ERCC3: variants seen among roughly 807,000 people sequenced by gnomAD.
ERCC3 encodes ERCC excision repair 3, TFIIH core complex helicase subunit, also known as general transcription and DNA repair factor IIH helicase/translocase subunit XPB.
Under a neutral mutation model 94.2 loss-of-function variants are expected in ERCC3, and 66 were observed. The observed-to-expected ratio is 0.70, with a 90% confidence interval of 0.57 to 0.86. The LOEUF (loss-of-function observed/expected upper bound fraction) is 0.86, where lower values mean the gene tolerates loss of function less well. ERCC3 is among the 40% of genes least tolerant of loss of function. The pLI, the probability that ERCC3 is intolerant of heterozygous loss-of-function variation, is 0.00. For synonymous variants in ERCC3, 349 were observed against 369.1 expected (o/e 0.95, Z 0.63); for missense variants, 829 against 987.1 (o/e 0.84, Z 2.15).
chr2:127,290,592 C>G (rs899053255), intron 3 of ERCC3: 3 of 432,444 alleles, frequency 6.9e-6, no homozygotes, highest in South Asian at 6.3e-5. Flanking sequence ...AAGACCACAC[C>G]AGTATTACTA....
rs565620853 is a variant in ERCC3, at chr2:127,271,773, A to G, written c.1828-320T>C. ...AACAGAGACTGACTTTGAGTCATTC[A>G]TTTTTTTGGCTACAGAAATATGTCT... On this transcript the variant is annotated intron_variant, in intron 11 of 14. Transcript: ENST00000285398. The surrounding 1 kb of genome is among the most constrained non-coding windows in gnomAD (Gnocchi z 5.0). Among the ~76,000 whole-genome samples the G allele has an allele frequency of 2.0e-5, 3 of 152,178 alleles. No individual in the cohort carries two copies. The highest frequency in any genetic ancestry group is 3.9e-4 in the East Asian group (2 of 5,168).
At position 127,271,288 on chromosome 2, in the gene ERCC3, G is replaced by GAA; in HGVS notation, c.1945+47_1945+48insTT. The GAA allele has an allele frequency of 7.6e-7, 1 of 1,309,062 alleles. No individual in the cohort carries two copies. The highest frequency in any genetic ancestry group is 1.1e-6 in the Non-Finnish European group (1 of 901,658). 81.1% of individuals were successfully genotyped at this position (1,309,062 alleles called of 1,614,324 possible). On this transcript the variant is annotated intron_variant, in intron 12 of 14. Transcript: ENST00000285398. This position sits in a 1 kb window ranked among gnomAD's most constrained non-coding sequence, Gnocchi z 5.0. ...CCCTATCGTCTTCCTAACTAAAGTG[G>GAA]TTTAAGAGGAGTGACCTCCTGCAAC...
intron 12 of ERCC3, among the ~76,000 whole-genome samples, chr2:127,269,067 C>G (rs111520211): frequency 1.4e-4 from 21 of 152,326 alleles, no homozygotes; most frequent in African/African-American, 4.1e-4. Context: ...ATCATGGATG[C>G]TACTCAGAAT....
chr2:127,261,509 CT>C (rs1338560944), intron 12 of ERCC3, 163 bp from the exon 13 acceptor site: 2 of 693,864 alleles, frequency 2.9e-6, no homozygotes, highest in Non-Finnish European at 5.3e-6. Flanking sequence ...ATTTGGAAGT[CT>C]TTTGTGCTTC....
chr2:127,266,905 G>A (rs1178805301), intron 12 of ERCC3, among the ~76,000 whole-genome samples: 3 of 152,022 alleles, frequency 2.0e-5, no homozygotes, highest in Middle Eastern at 3.4e-3. Context: ...TAGTAGAGAC[G>A]GGGTTTCACC....
Position 127,257,595 on chromosome 2 carries a change from A to T in ERCC3, c.*1T>A. On this transcript the variant is annotated 3_prime_UTR_variant, in exon 15 of 15. Coordinates refer to ENST00000285398, the MANE Select transcript of ERCC3 (RefSeq NM_000122.2). The surrounding 1 kb of genome is among the most constrained non-coding windows in gnomAD (Gnocchi z 5.4). ...CTTGAACGAAGTACCCTGCCTAAGCATCATTTCCTAAAGCGCTTGAAGAGC... is the reference window on the plus strand; with the variant it reads ...CTTGAACGAAGTACCCTGCCTAAGCTTCATTTCCTAAAGCGCTTGAAGAGC... 1.2e-6 allele frequency: 2 copies of T among 1,613,868 alleles called. No individual in the cohort carries two copies. The highest frequency in any genetic ancestry group is 1.7e-6 in the Non-Finnish European group (2 of 1,180,020).
Position 127,291,393 on chromosome 2 carries a change from G to A in ERCC3, c.472-1120C>T, listed in dbSNP as rs975097947. 2.0e-5 allele frequency among the ~76,000 whole-genome samples: 3 copies of A among 152,110 alleles called. No homozygotes were observed. Among genetic ancestry groups the A allele is most frequent in the Admixed American group, 1.3e-4 (2 of 15,274 alleles). On this transcript the variant is annotated intron_variant, in intron 3 of 14. Transcript: ENST00000285398. This position sits in a 1 kb window ranked among gnomAD's most constrained non-coding sequence, Gnocchi z 4.9. Reference sequence around the variant, plus strand: ...TCCTGCCTCAGCCTCCTGAGTAGCTGGGATTACAGGCACCCACCACCATGC... The same window carrying A: ...TCCTGCCTCAGCCTCCTGAGTAGCTAGGATTACAGGCACCCACCACCATGC...
At chr2:127,272,578 T>C (rs1684593829) in intron 11 of ERCC3, among the ~76,000 whole-genome samples, 1 of 152,180 alleles carries the variant, frequency 6.6e-6, no homozygotes, top group Admixed American at 6.5e-5. Context: ...AAATGAACTT[T>C]TTTTCCTTTT....
chr2:127,293,616 T>C lies in ERCC3; in HGVS notation c.131A>G (p.Lys44Arg), dbSNP rs771345526. 19 of 1,614,070 alleles carry C rather than the reference T, an allele frequency of 1.2e-5. No homozygotes were observed. Among genetic ancestry groups the C allele is most frequent in the South Asian group, 1.1e-5 (1 of 91,086 alleles). Residue 44 changes from lysine (K) to arginine (R), a missense_variant, in exon 2 of 15, where the codon AAG (lysine) becomes AGG (arginine). Lys to Arg is a conservative substitution (Grantham distance 26, BLOSUM62 2). Transcript: ENST00000285398. ...PQEAVPSAAG[K>R]QVDESGTKVD... ...TTTGGTGCCTGACTCATCCACCTGC[T>C]TCCCCGCCGCCGAGGGAACCGCTTC... is the stretch of plus-strand genomic sequence containing the variant.
At position 127,266,709 on chromosome 2, in the gene ERCC3, ATTTTTTTTTTT is replaced by A. The variant is rs960627621; in HGVS notation, c.1945+4616_1945+4626del. Among the ~76,000 whole-genome samples, 4 of 87,320 alleles carry A rather than the reference ATTTTTTTTTTT, an allele frequency of 4.6e-5. No individual in the cohort carries two copies. In the South Asian group the frequency reaches 1.1e-3, roughly 25 times the overall value. The allele number at this position is 87,320 out of a possible 152,430, so 57.3% of individuals were successfully genotyped here. On this transcript the variant is annotated intron_variant, in intron 12 of 14. Transcript: ENST00000285398. Reference sequence around the variant, plus strand: ...TTTATGGCCAAACACATGATCAATTATTTTTTTTTTTTTTTTTTTTTTTTGTGACAGAGTCC... The same window carrying A: ...TTTATGGCCAAACACATGATCAATTATTTTTTTTTTTTTGTGACAGAGTCC...
At chr2:127,265,553 G>C (rs1684327958) in intron 12 of ERCC3, among the ~76,000 whole-genome samples, 1 of 152,024 alleles carries the variant, frequency 6.6e-6, no homozygotes, top group South Asian at 2.1e-4. Flanking sequence ...TGAGTAGCTG[G>C]GATTACAAGC....
intron 12 of ERCC3, chr2:127,261,603 G>A (rs1019419713): frequency 8.8e-6 from 4 of 454,032 alleles, no homozygotes; most frequent in South Asian, 6.3e-5. Context: ...TTGTATCTAG[G>A]TTATACAAAG....
Position 127,259,991 on chromosome 2 carries a change from G to C in ERCC3, c.2065-543C>G, listed in dbSNP as rs906401759. The C allele has an allele frequency of 5.8e-6, 1 of 173,134 alleles. No homozygotes were observed. The highest frequency in any genetic ancestry group is 1.3e-5 in the Non-Finnish European group (1 of 79,402). The allele number at this position is 173,134 out of a possible 1,614,324, so 10.7% of individuals were successfully genotyped here. On this transcript the variant is annotated intron_variant, in intron 13 of 14. Transcript: ENST00000285398. The surrounding 1 kb of genome is among the most constrained non-coding windows in gnomAD (Gnocchi z 4.9). ...GTGGAGACTGGGTTTTCATTTCTAT[G>C]GGGATAACTTACTACAAGGGCTCCC... is the stretch of plus-strand genomic sequence containing the variant.
rs745534678 is a variant in ERCC3 at position 127,257,584 on chromosome 2, C to G, written c.*12G>C. 1.2e-6 allele frequency: 2 copies of G among 1,613,538 alleles called. No individual in the cohort carries two copies. The highest frequency in any genetic ancestry group is 1.7e-6 in the Non-Finnish European group (2 of 1,180,012). On this transcript the variant is annotated 3_prime_UTR_variant, in exon 15 of 15. Coordinates refer to ENST00000285398, the MANE Select transcript of ERCC3 (RefSeq NM_000122.2). The surrounding 1 kb of genome is among the most constrained non-coding windows in gnomAD (Gnocchi z 5.4). ...CAAGCGCCGGTCTTGAACGAAGTAC[C>G]CTGCCTAAGCATCATTTCCTAAAGC...
chr2:127,276,147 C>T (rs922744185), intron 10 of ERCC3, among the ~76,000 whole-genome samples: 27 of 152,186 alleles, frequency 1.8e-4, no homozygotes, highest in Non-Finnish European at 3.4e-4. Flanking sequence ...CTCCTCTTCC[C>T]CTAACACACG....
In ERCC3 at chr2:127,259,426, A is replaced by G. The variant is rs201806429; in HGVS notation, c.2087T>C (p.Met696Thr). The change falls in exon 14 of 15, where the codon ATG becomes ACG. Residue 696 changes from methionine (M) to threonine (T), a missense_variant. Physicochemically the swap from Met to Thr is moderately conservative, Grantham distance 81. Coordinates refer to ENST00000285398, the MANE Select transcript of ERCC3 (RefSeq NM_000122.2). This position sits in a 1 kb window ranked among gnomAD's most constrained non-coding sequence, Gnocchi z 4.9. ...CGAAAACGCCAAGTCTTCCTCCTCCATGCCAGCGAGTTTCGTGATCACCTG... is the reference window on the plus strand; with the variant it reads ...CGAAAACGCCAAGTCTTCCTCCTCCGTGCCAGCGAGTTTCGTGATCACCTG... ...SFKVITKLAGMEEEDLAFSTK... is the reference protein window; with the variant it reads ...SFKVITKLAGTEEEDLAFSTK... 4 of 1,614,104 alleles carry G rather than the reference A, an allele frequency of 2.5e-6. No individual in the cohort carries two copies. The highest frequency in any genetic ancestry group is 1.1e-5 in the South Asian group (1 of 91,082).
At position 127,259,405 on chromosome 2, in the gene ERCC3, A is replaced by G. The variant is rs767223129; in HGVS notation, c.2108T>C (p.Phe703Ser). 2 of 1,614,122 alleles carry G rather than the reference A, an allele frequency of 1.2e-6. No homozygotes were observed. The highest frequency in any genetic ancestry group is 1.7e-6 in the Non-Finnish European group (2 of 1,180,018). ...CTGCTGTTGCTCTTCTTTTGTCGAAAACGCCAAGTCTTCCTCCTCCATGCC... is the reference window on the plus strand; with the variant it reads ...CTGCTGTTGCTCTTCTTTTGTCGAAGACGCCAAGTCTTCCTCCTCCATGCC... ...LAGMEEEDLA[F>S]STKEEQQQLL... The change falls in exon 14 of 15, where the codon TTT (phenylalanine) becomes TCT (serine). Residue 703 changes from phenylalanine to serine, a missense_variant. Transcript: ENST00000285398. This position sits in a 1 kb window ranked among gnomAD's most constrained non-coding sequence, Gnocchi z 4.9.
intron 8 of ERCC3, among the ~76,000 whole-genome samples, chr2:127,283,767 G>A (rs1684988371): frequency 6.6e-6 from 1 of 152,168 alleles, no homozygotes; most frequent in Non-Finnish European, 1.5e-5. Flanking sequence ...CTGGCATATG[G>A]GAGCATCCTG....
chr2:127,292,886 G>A (rs1298397971), intron 2 of ERCC3, 40 bp from the exon 3 acceptor site: 2 of 1,283,504 alleles, frequency 1.6e-6, no homozygotes, highest in African/African-American at 2.9e-5. Flanking sequence ...AAGGAAACAT[G>A]AGTTGCAGAG....
Sources: allele counts gnomAD v4.1 joint callset (sites outside exome capture counted in the v4.1 genomes callset), GRCh38; gene constraint gnomAD v4.1.1; non-coding constraint Gnocchi (gnomAD v3.1); transcripts MANE v1.5; gene names NCBI Gene and HGNC (gene_info 2026-07-23, HGNC 2026-07-21).